PPP1R42: variants seen among roughly 807,000 people sequenced by gnomAD.
PPP1R42 encodes the protein protein phosphatase 1 regulatory subunit 42, also known as leucine rich repeat containing 67.
PPP1R42 carries 34 observed loss-of-function variants against 31.0 expected under a neutral mutation model. That is an observed-to-expected ratio of 1.10 (90% confidence interval 0.83 to 1.46). PPP1R42 has a LOEUF of 1.46. Among genes scored for constraint, PPP1R42 ranks in the 40% most tolerant of loss-of-function variants. PPP1R42 has a pLI of 0.00. For missense variants in PPP1R42, 268 were observed against 303.0 expected, an observed-to-expected ratio of 0.88 and a Z score of 0.86; for synonymous variants, 103 against 109.8, an observed-to-expected ratio of 0.94 and a Z score of 0.39.
chr8:66,980,522 C>T (rs1303212626), intron 7 of PPP1R42, among the ~76,000 whole-genome samples: 1 of 152,160 alleles, frequency 6.6e-6, no homozygotes, highest in Non-Finnish European at 1.5e-5. Context: ...AACCACCATG[C>T]TTGGCCCGTA....
intron 4 of PPP1R42, among the ~76,000 whole-genome samples, chr8:67,012,158 C>G (rs903276084): frequency 1.3e-5 from 2 of 152,152 alleles, no homozygotes; most frequent in Non-Finnish European, 2.9e-5. Context: ...ATTGCTTGAA[C>G]CGGGGAGGTG....
At chr8:66,996,657 A>G (rs1483214115) in intron 5 of PPP1R42, among the ~76,000 whole-genome samples, 2 of 152,034 alleles carry the variant, frequency 1.3e-5, no homozygotes, top group Admixed American at 6.5e-5. Context: ...CTCAATTTTT[A>G]TGGGTCGTGC....
chr8:66,986,091 T>G, intron 6 of PPP1R42: 2 of 723,664 alleles, frequency 2.8e-6, no homozygotes, highest in Non-Finnish European at 5.2e-6. Context: ...GGCTGCCTTC[T>G]TCTTGTCCAT....
chr8:67,009,592 T>A (rs547776114), intron 5 of PPP1R42, among the ~76,000 whole-genome samples: 13 of 152,096 alleles, frequency 8.5e-5, no homozygotes, highest in African/African-American at 3.1e-4. Context: ...AAATGTAAAA[T>A]ATATTTTAAT....
At chr8:67,016,701 G>A (rs144023708) in intron 2 of PPP1R42, among the ~76,000 whole-genome samples, 6 of 152,146 alleles carry the variant, frequency 3.9e-5, no homozygotes, top group South Asian at 4.1e-4. Flanking sequence ...TTTTTGAGAC[G>A]TAGTCTCACT....
At chr8:67,000,548 C>T (rs961571356) in intron 5 of PPP1R42, among the ~76,000 whole-genome samples, 3 of 151,428 alleles carry the variant, frequency 2.0e-5, no homozygotes, top group African/African-American at 4.9e-5. Flanking sequence ...GCCTCCACCT[C>T]GTAGGCTCAA....
chr8:66,981,958 A>G, intron 7 of PPP1R42, 91 bp downstream of exon 7: 1 of 1,233,626 alleles, frequency 8.1e-7, no homozygotes, highest in Non-Finnish European at 1.0e-6. Context: ...AAAACTAAAC[A>G]AAAACTATTT....
At chr8:66,975,217 G>A (rs1049141490) in intron 7 of PPP1R42, among the ~76,000 whole-genome samples, 17 of 152,160 alleles carry the variant, frequency 1.1e-4, no homozygotes, top group South Asian at 6.2e-4. Flanking sequence ...ATGTTTTGTC[G>A]TTTTCAGCAT....
chr8:67,025,277 T>TTTTTC (rs1816358105), intron 1 of PPP1R42, among the ~76,000 whole-genome samples: 1 of 150,938 alleles, frequency 6.6e-6, no homozygotes, highest in Non-Finnish European at 1.5e-5. Context: ...AATAAGGAGG[T>TTTTTC]TTTTCTTTTC....
At chr8:66,982,328 A>G (rs996297101) in intron 6 of PPP1R42, 148 bp from the exon 7 acceptor site, 1 of 404,436 alleles carries the variant, frequency 2.5e-6, no homozygotes, top group Non-Finnish European at 4.3e-6. Context: ...TATACAACGC[A>G]TGTACTTTTG....
At chr8:66,967,436 C>A (rs150808918) in intron 7 of PPP1R42, among the ~76,000 whole-genome samples, 6 of 152,236 alleles carry the variant, frequency 3.9e-5, no homozygotes, top group African/African-American at 1.4e-4. Context: ...TTAAATAGAC[C>A]GTTATGTTTA....
chr8:66,993,126 T>A (rs1815239626), intron 5 of PPP1R42, among the ~76,000 whole-genome samples: 1 of 152,190 alleles, frequency 6.6e-6, no homozygotes, highest in African/African-American at 2.4e-5. Flanking sequence ...ACTCTTGACC[T>A]CTCCTTCTCC....
chr8:66,964,271 G>A lies in PPP1R42; in HGVS notation c.*50C>T, dbSNP rs780665714. On this transcript the variant is annotated 3_prime_UTR_variant, in exon 8 of 8. Transcript: ENST00000685739. ...TTTCTTTTTCTTCTGGGTTATGGAA[G>A]AGGTGAGGTTCATGCACATCATTTT... 5.7e-5 allele frequency: 72 copies of A among 1,259,018 alleles called. No individual in the cohort carries two copies. The highest frequency in any genetic ancestry group is 2.6e-5 in the Non-Finnish European group (25 of 962,106). 78.0% of individuals were successfully genotyped at this position (1,259,018 alleles called of 1,614,324 possible).
intron 7 of PPP1R42, among the ~76,000 whole-genome samples, chr8:66,976,611 G>GTTTT (rs561585989): frequency 7.5e-6 from 1 of 133,420 alleles, no homozygotes; most frequent in Non-Finnish European, 1.6e-5. Context: ...CAACTTTTTG[G>GTTTT]TTTTTTTTTT....
At chr8:66,985,750 A>G in intron 6 of PPP1R42, 2 of 1,261,590 alleles carry the variant, frequency 1.6e-6, no homozygotes, top group South Asian at 2.4e-5. Flanking sequence ...AATGAAGCAC[A>G]GCTGTTTTTT....
At chr8:66,969,926 AG>A (rs1425608653) in intron 7 of PPP1R42, among the ~76,000 whole-genome samples, 1 of 152,216 alleles carries the variant, frequency 6.6e-6, no homozygotes, top group Non-Finnish European at 1.5e-5. Flanking sequence ...AAAATTTATA[AG>A]ATGTATTAGG....
At chr8:67,014,737 T>A in intron 2 of PPP1R42, 145 bp from the exon 3 acceptor site, 1 of 529,024 alleles carries the variant, frequency 1.9e-6, no homozygotes. Context: ...TTGGCACAGT[T>A]AAAACAAGAC....
intron 7 of PPP1R42, chr8:66,968,484 G>A (rs1240512592): frequency 1.0e-6 from 1 of 985,094 alleles, no homozygotes; most frequent in East Asian, 1.1e-4. Context: ...AATATAGAGT[G>A]TAGGGACACG....
intron 6 of PPP1R42, among the ~76,000 whole-genome samples, chr8:66,986,525 G>C (rs73691164): frequency 0.012 from 1,759 of 152,302 alleles, 32 homozygotes; most frequent in African/African-American, 0.039. Context: ...CACGTGACCA[G>C]AGTGGGCCGG....
Sources: gnomAD v4.1 joint callset for allele counts (sites outside exome capture counted in the v4.1 genomes callset) on GRCh38, gnomAD v4.1.1 for gene constraint, MANE v1.5 for transcripts, NCBI Gene and HGNC (gene_info 2026-07-23, HGNC 2026-07-21) for gene names.